GRIN2B: variants seen among roughly 807,000 people sequenced by gnomAD.
The protein encoded by GRIN2B is glutamate ionotropic receptor NMDA type subunit 2B.
In GRIN2B, 5 loss-of-function variants were observed where a neutral mutation model predicts 114.5. The ratio of observed to expected loss-of-function variants is 0.04; its 90% CI spans 0.02 to 0.09. The LOEUF (loss-of-function observed/expected upper bound fraction) is 0.09, where lower values mean the gene tolerates loss of function less well. Among genes scored for constraint, GRIN2B ranks in the 10% least tolerant of loss-of-function variants. GRIN2B has a pLI of 1.00. For missense variants in GRIN2B, 1,108 were observed against 1,943.5 expected (o/e 0.57, Z 8.08); for synonymous variants, 787 against 745.1 (o/e 1.06, Z -0.92).
At chr12:13,965,494 A>C (rs778221941) in intron 2 of GRIN2B, among the ~76,000 whole-genome samples, 1 of 151,920 alleles carries the variant, frequency 6.6e-6, no homozygotes, top group Non-Finnish European at 1.5e-5. Flanking sequence ...AATGTTTTAA[A>C]ATCCTCTCCA....
intron 2 of GRIN2B, among the ~76,000 whole-genome samples, chr12:13,913,742 C>T (rs115995697): frequency 2.2e-3 from 336 of 152,308 alleles, no homozygotes; most frequent in African/African-American, 7.9e-3. Context: ...CATCATCTAC[C>T]TTGCCCCAAG....
intron 5 of GRIN2B, among the ~76,000 whole-genome samples, chr12:13,640,570 C>T (rs1227361101): frequency 6.6e-6 from 1 of 152,152 alleles, no homozygotes; most frequent in Non-Finnish European, 1.5e-5. Context: ...TTCTATGCTC[C>T]TTTATTCCGA....
chr12:13,881,487 T>A (rs1297192474), intron 2 of GRIN2B, among the ~76,000 whole-genome samples: 1 of 152,190 alleles, frequency 6.6e-6, no homozygotes, highest in African/African-American at 2.4e-5. Context: ...GACTCAAAAG[T>A]TACTCTTCCT....
At chr12:13,748,974 G>T (rs1269637625) in intron 4 of GRIN2B, among the ~76,000 whole-genome samples, 1 of 152,062 alleles carries the variant, frequency 6.6e-6, no homozygotes. Flanking sequence ...TATTTTTCTT[G>T]CAACCCTGGC....
chr12:13,572,647 C>A (rs1948721438), intron 10 of GRIN2B, among the ~76,000 whole-genome samples: 1 of 152,118 alleles, frequency 6.6e-6, no homozygotes, highest in Non-Finnish European at 1.5e-5. Flanking sequence ...GGATTTTCAT[C>A]CCTATGACAT....
chr12:13,644,342 T>A (rs1176682232), intron 5 of GRIN2B, among the ~76,000 whole-genome samples: 2 of 152,154 alleles, frequency 1.3e-5, no homozygotes, highest in Non-Finnish European at 2.9e-5. Context: ...AATCTCCTTT[T>A]TTGAACAGTA....
At chr12:13,613,808 T>A (rs11608931) in intron 8 of GRIN2B, among the ~76,000 whole-genome samples, 1 of 152,142 alleles carries the variant, frequency 6.6e-6, no homozygotes, top group South Asian at 2.1e-4. Context: ...CAATAAATGT[T>A]GGCTTCTCTT....
chr12:13,707,764 A>T (rs948931577), intron 4 of GRIN2B, among the ~76,000 whole-genome samples: 2 of 152,118 alleles, frequency 1.3e-5, no homozygotes, highest in Admixed American at 1.3e-4. Context: ...TGAAAAAAAA[A>T]TTTAACTTAA....
At chr12:13,619,489 A>G (rs569029269) in intron 5 of GRIN2B, among the ~76,000 whole-genome samples, 21 of 152,328 alleles carry the variant, frequency 1.4e-4, no homozygotes, top group African/African-American at 3.1e-4. Context: ...TATTAAATAT[A>G]TCATTCTCAT....
At chr12:13,874,526 TTCCTC>T (rs1273048186) in intron 2 of GRIN2B, among the ~76,000 whole-genome samples, 1 of 152,210 alleles carries the variant, frequency 6.6e-6, no homozygotes, top group African/African-American at 2.4e-5. Context: ...TTGCTCAAAG[TTCCTC>T]TCCTAATATC....
At chr12:13,826,310 A>G (rs7301425) in intron 3 of GRIN2B, among the ~76,000 whole-genome samples, 22,312 of 151,976 alleles carry the variant, frequency 0.15, 1,787 homozygotes, top group South Asian at 0.19. Context: ...GTCTCTAATA[A>G]AAATACAAAA....
In GRIN2B at chr12:13,897,027, G is replaced by A. The variant is rs1006725618; in HGVS notation, c.-18-30801C>T. 2.0e-5 allele frequency among the ~76,000 whole-genome samples: 3 copies of A among 152,078 alleles called. No homozygotes were observed. In the East Asian group the frequency reaches 5.8e-4, roughly 29 times the overall value. ...CTAGTTATGATAATGATTATGATGA[G>A]GATGTTACTTAAAATATTGCAAACA... On this transcript the variant is annotated intron_variant, in intron 2 of 13. Coordinates refer to ENST00000609686, the MANE Select transcript of GRIN2B (RefSeq NM_000834.5).
intron 5 of GRIN2B, among the ~76,000 whole-genome samples, chr12:13,674,919 G>A (rs1950057636): frequency 6.6e-6 from 1 of 152,084 alleles, no homozygotes; most frequent in African/African-American, 2.4e-5. Context: ...CCAACCTTAT[G>A]TATCTGTAAA....
chr12:13,616,392 G>C (rs1463085957), intron 6 of GRIN2B, 63 bp downstream of exon 6: 1 of 1,190,808 alleles, frequency 8.4e-7, no homozygotes, highest in South Asian at 1.2e-5. Context: ...CCAGCCAAGT[G>C]CTAACAGGTG....
chr12:13,966,050 A>C (rs1867785961), intron 2 of GRIN2B, among the ~76,000 whole-genome samples: 1 of 152,222 alleles, frequency 6.6e-6, no homozygotes, highest in Admixed American at 6.5e-5. Flanking sequence ...TGAGATTCAG[A>C]AAAGCTGGGC....
rs1948386425 is a variant in GRIN2B at position 13,549,681 on chromosome 12, T to C, written c.*13102A>G. 1 of 152,172 alleles carries C rather than the reference T, an allele frequency of 6.6e-6. No homozygotes were observed. The highest frequency in any genetic ancestry group is 2.4e-5 in the African/African-American group (1 of 41,450). 9.4% of individuals were successfully genotyped at this position (152,172 alleles called of 1,614,324 possible). A position where few individuals can be genotyped will look rare whatever the true frequency, so the allele number is the denominator to read the frequency against. On this transcript the variant is annotated 3_prime_UTR_variant, in exon 14 of 14. Transcript: ENST00000609686. ...GAGTTTTTTATTTATGTGGATTACATGCTACCTAAAAAAAATTTTTAATAA... is the reference window on the plus strand; with the variant it reads ...GAGTTTTTTATTTATGTGGATTACACGCTACCTAAAAAAAATTTTTAATAA...
At chr12:13,674,235 C>CT (rs1471985066) in intron 5 of GRIN2B, among the ~76,000 whole-genome samples, 1 of 152,004 alleles carries the variant, frequency 6.6e-6, no homozygotes, top group Non-Finnish European at 1.5e-5. Context: ...TGATACACAC[C>CT]TATAGTCCCA....
intron 5 of GRIN2B, among the ~76,000 whole-genome samples, chr12:13,629,099 A>G (rs1949596871): frequency 6.6e-6 from 1 of 152,200 alleles, no homozygotes; most frequent in Admixed American, 6.5e-5. Flanking sequence ...TGACCTGTCA[A>G]ATTCATAGAA....
chr12:13,913,108 A>G (rs1336857478), intron 2 of GRIN2B, among the ~76,000 whole-genome samples: 1 of 152,184 alleles, frequency 6.6e-6, no homozygotes, highest in Non-Finnish European at 1.5e-5. Context: ...TGTGAAAAGG[A>G]TAGAAACTCA....
Sources: gnomAD v4.1 joint callset for allele counts (sites outside exome capture counted in the v4.1 genomes callset) on GRCh38, gnomAD v4.1.1 for gene constraint, MANE v1.5 for transcripts, NCBI Gene and HGNC (gene_info 2026-07-23, HGNC 2026-07-21) for gene names.